Variants in TMEM67 observed in about 807,000 individuals in gnomAD.
TMEM67 encodes the protein meckelin.
Under a neutral mutation model 136.6 loss-of-function variants are expected in TMEM67, and 124 were observed. The ratio of observed to expected loss-of-function variants is 0.91; its 90% CI spans 0.78 to 1.05. The LOEUF is 1.05. Among genes scored for constraint, TMEM67 ranks in the 50% least tolerant of loss-of-function variants. TMEM67 has a pLI of 0.00. For synonymous variants in TMEM67, 364 were observed against 390.5 expected, an observed-to-expected ratio of 0.93 and a Z score of 0.80; for missense variants, 1,107 against 1,178.4, an observed-to-expected ratio of 0.94 and a Z score of 0.89.
rs386834193 is a variant in TMEM67 at position 93,804,796 on chromosome 8, G to A, written c.2357G>A (p.Gly786Glu). Residue 786 changes from glycine to glutamate, a missense_variant, in exon 23 of 28, where the codon GGA becomes GAA. Coordinates refer to ENST00000453321, the MANE Select transcript of TMEM67 (RefSeq NM_153704.6). ...SVFLLSHKCF[G>E]YYIHGRSVHG... Reference sequence around the variant, plus strand: ...TTTCTGTTATCCCACAAATGTTTTGGATATTACATTCATGGTAGATCAGTA... The same window carrying A: ...TTTCTGTTATCCCACAAATGTTTTGAATATTACATTCATGGTAGATCAGTA... The A allele has an allele frequency of 1.6e-5, 25 of 1,606,684 alleles. No individual in the cohort carries two copies. The highest frequency in any genetic ancestry group is 2.1e-5 in the Non-Finnish European group (25 of 1,174,040).
chr8:93,772,888 G>A (rs923832150), intron 7 of TMEM67, among the ~76,000 whole-genome samples: 7 of 151,770 alleles, frequency 4.6e-5, no homozygotes, highest in African/African-American at 1.7e-4. Context: ...AGGGGAAACT[G>A]ACTGTCACTT....
downstream of TMEM67, among the ~76,000 whole-genome samples, chr8:93,823,891 A>G (rs528653366): frequency 2.7e-5 from 4 of 146,374 alleles, no homozygotes; most frequent in Non-Finnish European, 6.0e-5. Flanking sequence ...AACAGTTCTC[A>G]TTTTTTAGAG....
intron 23 of TMEM67, among the ~76,000 whole-genome samples, chr8:93,805,227 T>G (rs1306590388): frequency 6.6e-6 from 1 of 151,860 alleles, no homozygotes; most frequent in African/African-American, 2.4e-5. Flanking sequence ...CACCTTGGCC[T>G]CCCAAAGTGC....
At chr8:93,759,170 T>A (rs1341489288) in intron 3 of TMEM67, 1 of 151,940 alleles carries the variant, frequency 6.6e-6, no homozygotes, top group Non-Finnish European at 1.5e-5. Context: ...AGAAAAAAAA[T>A]ATTTATCATT....
At chr8:93,767,812 C>T (rs1586019568) in intron 6 of TMEM67, among the ~76,000 whole-genome samples, 1 of 146,504 alleles carries the variant, frequency 6.8e-6, no homozygotes, top group African/African-American at 2.5e-5. Context: ...CTAATCTAGG[C>T]TAATCTTGTA....
intron 2 of TMEM67, chr8:93,756,740 T>A (rs754247284): frequency 4.6e-5 from 7 of 152,226 alleles, no homozygotes; most frequent in Non-Finnish European, 1.0e-4. Flanking sequence ...CGCAGCAGAT[T>A]TCTTTTTCAG....
chr8:93,768,352 C>A (rs1356186644), intron 6 of TMEM67, among the ~76,000 whole-genome samples: 1 of 152,026 alleles, frequency 6.6e-6, no homozygotes, highest in South Asian at 2.1e-4. Context: ...TGGCTCACAC[C>A]TGTAATCACA....
intron 3 of TMEM67, among the ~76,000 whole-genome samples, chr8:93,762,374 T>C (rs1175157587): frequency 2.0e-5 from 3 of 151,926 alleles, no homozygotes. Flanking sequence ...AATTTTTTTT[T>C]TTGTGGTGAT....
In TMEM67 at chr8:93,758,565, GC is replaced by G; in HGVS notation, c.397del (p.His133IlefsTer3). ...TAEGKCHCPI[G>X]HILVERDING... ...GAAGGAAAATGTCACTGTCCCATTG[GC>G]CATATTTTAGGTAAGAATTAGATTC... On this transcript the variant is annotated frameshift_variant, in exon 3 of 28. Coordinates refer to ENST00000453321, the MANE Select transcript of TMEM67 (RefSeq NM_153704.6). LOFTEE classifies it high-confidence loss of function. 1 of 1,612,834 alleles carries G rather than the reference GC, an allele frequency of 6.2e-7. No individual in the cohort carries two copies. The highest frequency in any genetic ancestry group is 8.5e-7 in the Non-Finnish European group (1 of 1,178,950).
At chr8:93,757,752 T>C (rs999533300) in intron 2 of TMEM67, among the ~76,000 whole-genome samples, 6 of 152,134 alleles carry the variant, frequency 3.9e-5, no homozygotes, top group Non-Finnish European at 8.8e-5. Flanking sequence ...TTACCCATTT[T>C]GAATCATAAA....
intron 5 of TMEM67, 25 bp downstream of exon 5, chr8:93,765,500 T>C (rs371817975): frequency 5.3e-5 from 85 of 1,606,584 alleles, no homozygotes; most frequent in Admixed American, 2.3e-4. Context: ...ATTGATAAAG[T>C]ATATATATTT....
chr8:93,766,640 G>A (rs930372394), intron 6 of TMEM67, among the ~76,000 whole-genome samples: 1 of 152,054 alleles, frequency 6.6e-6, no homozygotes, highest in African/African-American at 2.4e-5. Flanking sequence ...AGTTTGGGGT[G>A]GACAGGGTGT....
chr8:93,789,457 C>T (rs184133144), intron 14 of TMEM67, among the ~76,000 whole-genome samples: 1 of 151,984 alleles, frequency 6.6e-6, no homozygotes, highest in Non-Finnish European at 1.5e-5. Context: ...TTCAGCTTGA[C>T]CAACATAGTG....
At chr8:93,799,904 CTTTTTTT>C (rs35554591) in intron 21 of TMEM67, 146 bp downstream of exon 21, 57 of 347,782 alleles carry the variant, frequency 1.6e-4, no homozygotes, top group East Asian at 4.9e-4. Context: ...ATGGTCAGTT[CTTTTTTT>C]TTTTTTTTTT....
intron 26 of TMEM67, 62 bp downstream of exon 26, chr8:93,809,949 T>C: frequency 9.1e-7 from 1 of 1,097,390 alleles, no homozygotes; most frequent in Middle Eastern, 2.1e-4. Flanking sequence ...AAAAAAGTGC[T>C]TGTAGATATT....
At chr8:93,777,948 T>C (rs1013230958) in intron 7 of TMEM67, among the ~76,000 whole-genome samples, 1 of 152,146 alleles carries the variant, frequency 6.6e-6, no homozygotes, top group African/African-American at 2.4e-5. Flanking sequence ...ATAGTGACAG[T>C]GGGGTGTTAA....
chr8:93,795,681 C>CT (rs1814580328), intron 17 of TMEM67, among the ~76,000 whole-genome samples, 174 bp downstream of exon 17: 1 of 152,116 alleles, frequency 6.6e-6, no homozygotes, highest in Admixed American at 6.6e-5. Context: ...CTATCTTCCT[C>CT]TTTTATGCTT....
At position 93,780,277 on chromosome 8, in the gene TMEM67, G is replaced by T. The variant is rs541435246; in HGVS notation, c.715-316G>T. Among the ~76,000 whole-genome samples the T allele has an allele frequency of 2.6e-5, 4 of 152,014 alleles. No homozygotes were observed. The South Asian group carries it at 8.3e-4, about 31-fold the overall frequency. ...CATTTTTCCAGGTACAGTCTGTCAC[G>T]GCTTCCCTTGGCTAGGAAAGGGAAA... is the stretch of plus-strand genomic sequence containing the variant. On this transcript the variant is annotated intron_variant, in intron 7 of 27. Coordinates refer to ENST00000453321, the MANE Select transcript of TMEM67 (RefSeq NM_153704.6).
At chr8:93,796,494 G>GT in intron 18 of TMEM67, among the ~76,000 whole-genome samples, 1 of 152,134 alleles carries the variant, frequency 6.6e-6, no homozygotes, top group African/African-American at 2.4e-5. Context: ...ATTTTACTGT[G>GT]AGTGTTAAGT....
Sources: allele counts gnomAD v4.1 joint callset (sites outside exome capture counted in the v4.1 genomes callset), GRCh38; gene constraint gnomAD v4.1.1; transcripts MANE v1.5; gene names NCBI Gene and HGNC (gene_info 2026-07-23, HGNC 2026-07-21).